Variants in PRKAA2 observed in about 807,000 individuals in gnomAD.
The protein encoded by PRKAA2 is 5'-AMP-activated protein kinase catalytic subunit alpha-2.
In PRKAA2, 40 loss-of-function variants were observed where a neutral mutation model predicts 56.3. The ratio of observed to expected loss-of-function variants is 0.71; its 90% confidence interval spans 0.55 to 0.92. The LOEUF (loss-of-function observed/expected upper bound fraction) is 0.92. Ranked by LOEUF, PRKAA2 falls within the 40% of genes least tolerant of loss-of-function variation. The pLI is 0.00. For synonymous variants in PRKAA2, 214 were observed against 234.2 expected (o/e 0.91, Z 0.79); for missense variants, 542 against 686.9 (o/e 0.79, Z 2.36).
rs770782360 is a variant in PRKAA2 at position 56,714,478 on chromosome 1, T to C, written c.*6765T>C. ...TGAGTATCTTGATTTTTAGGTAAGA[T>C]CACAGTTTCACAAATTGTGGTGTTG... On this transcript the variant is annotated 3_prime_UTR_variant, in exon 9 of 9. Transcript: ENST00000371244. 6.6e-6 allele frequency: 1 copy of C among 152,176 alleles called. No individual in the cohort carries two copies. Among genetic ancestry groups the C allele is most frequent in the South Asian group, 2.1e-4 (1 of 4,834 alleles). 9.4% of individuals were successfully genotyped at this position (152,176 alleles called of 1,614,324 possible).
intron 2 of PRKAA2, among the ~76,000 whole-genome samples, chr1:56,678,930 G>A (rs1386006454): frequency 6.6e-6 from 1 of 152,080 alleles, no homozygotes; most frequent in Non-Finnish European, 1.5e-5. Context: ...TCTTGACTTC[G>A]TGATCTGCCC....
chr1:56,689,897 GAC>G (rs3034077), intron 2 of PRKAA2, among the ~76,000 whole-genome samples: 5,831 of 147,012 alleles, frequency 0.04, 212 homozygotes, highest in African/African-American at 0.11. Flanking sequence ...CAGACACACA[GAC>G]ACACACACAC....
At chr1:56,666,907 A>G (rs572817845) in intron 1 of PRKAA2, among the ~76,000 whole-genome samples, 5 of 152,290 alleles carry the variant, frequency 3.3e-5, no homozygotes, top group Admixed American at 2.6e-4. Context: ...TCCCAATATC[A>G]GTGGAGCCTC....
At chr1:56,673,321 C>A (rs540049727) in intron 1 of PRKAA2, among the ~76,000 whole-genome samples, 27 of 152,264 alleles carry the variant, frequency 1.8e-4, no homozygotes, top group African/African-American at 6.0e-4. Context: ...CTGCAGTGAG[C>A]TATGTTCACT....
At chr1:56,696,510 T>G (rs918595251) in intron 6 of PRKAA2, among the ~76,000 whole-genome samples, 3 of 152,210 alleles carry the variant, frequency 2.0e-5, no homozygotes, top group African/African-American at 7.2e-5. Flanking sequence ...ATCCTCATCC[T>G]GTATCTAGTT....
At chr1:56,683,102 T>C (rs1644167183) in intron 2 of PRKAA2, among the ~76,000 whole-genome samples, 1 of 54,968 alleles carries the variant, frequency 1.8e-5, no homozygotes, top group African/African-American at 7.3e-5. Flanking sequence ...TTTTTTTTTT[T>C]GCTTAAGCAA....
intron 1 of PRKAA2, among the ~76,000 whole-genome samples, chr1:56,655,280 A>ATATATATATATTTTTTTTTTTTTTTTTT: frequency 8.5e-5 from 8 of 93,646 alleles, no homozygotes; most frequent in South Asian, 5.3e-4. Context: ...ATATATATAT[A>ATATATATATATTTTTTTTTTTTTTTTTT]TTTTTTTTTT....
chr1:56,698,954 T>C (rs1644276214), intron 6 of PRKAA2, among the ~76,000 whole-genome samples: 2 of 152,170 alleles, frequency 1.3e-5, no homozygotes, highest in South Asian at 4.1e-4. Flanking sequence ...AGTATTAATG[T>C]TATCATAGTT....
At chr1:56,655,280 A>ATATATATATTTTTTT in intron 1 of PRKAA2, among the ~76,000 whole-genome samples, 13 of 93,680 alleles carry the variant, frequency 1.4e-4, no homozygotes, top group African/African-American at 3.6e-4. Flanking sequence ...ATATATATAT[A>ATATATATATTTTTTT]TTTTTTTTTT....
chr1:56,702,649 T>C (rs1387499382), intron 6 of PRKAA2, among the ~76,000 whole-genome samples: 1 of 152,218 alleles, frequency 6.6e-6, no homozygotes, highest in African/African-American at 2.4e-5. Flanking sequence ...TCTTGTCTCA[T>C]GGTCTTTGCA....
intron 2 of PRKAA2, among the ~76,000 whole-genome samples, chr1:56,679,351 G>T (rs1231487039): frequency 6.6e-6 from 1 of 152,004 alleles, no homozygotes; most frequent in Non-Finnish European, 1.5e-5. Context: ...TTATCAAATT[G>T]TTTATCGGAT....
At chr1:56,659,509 AG>A (rs1643976455) in intron 1 of PRKAA2, among the ~76,000 whole-genome samples, 2 of 151,392 alleles carry the variant, frequency 1.3e-5, no homozygotes, top group Admixed American at 1.3e-4. Context: ...AAAAAAAAAA[AG>A]GAAAAAAAAA....
chr1:56,682,939 A>T (rs909767645), intron 2 of PRKAA2, among the ~76,000 whole-genome samples: 47 of 152,290 alleles, frequency 3.1e-4, no homozygotes, highest in Admixed American at 1.5e-3. Flanking sequence ...GATAAAAAAC[A>T]TTTCTATCGT....
In PRKAA2 at chr1:56,692,349, G is replaced by T. The variant is rs1644233612; in HGVS notation, c.331-9G>T. Reference sequence around the variant, plus strand: ...ATATTCTTAATGCAGTTTCTTTTGTGCTTGATAGGTTGAAGAGATGGAAGC... The same window carrying T: ...ATATTCTTAATGCAGTTTCTTTTGTTCTTGATAGGTTGAAGAGATGGAAGC... On this transcript the variant is annotated splice_polypyrimidine_tract_variant and intron_variant, in intron 3 of 8. Coordinates refer to ENST00000371244, the MANE Select transcript of PRKAA2 (RefSeq NM_006252.4). The T allele has an allele frequency of 6.2e-7, 1 of 1,613,768 alleles. No individual in the cohort carries two copies. The highest frequency in any genetic ancestry group is 2.2e-5 in the East Asian group (1 of 44,866).
chr1:56,692,193 G>A lies in PRKAA2; in HGVS notation c.331-165G>A, dbSNP rs568325271. Among the ~76,000 whole-genome samples the A allele has an allele frequency of 3.9e-5, 6 of 151,968 alleles. No individual in the cohort carries two copies. In the South Asian group the frequency reaches 1.2e-3, roughly 32 times the overall value. ...ACTACAGGTGCATGTCACCATGCCC[G>A]GCTAATTTTTGTATTTTTAGTAGAG... On this transcript the variant is annotated intron_variant, in intron 3 of 8. Coordinates refer to ENST00000371244, the MANE Select transcript of PRKAA2 (RefSeq NM_006252.4).
At chr1:56,702,388 T>G (rs12568785) in intron 6 of PRKAA2, among the ~76,000 whole-genome samples, 16,515 of 152,260 alleles carry the variant, frequency 0.11, 1,301 homozygotes, top group East Asian at 0.24. Context: ...CAGCATCATT[T>G]TTATCTTTTC....
rs750122592 is a variant in PRKAA2, at chr1:56,704,196, T to A, written c.1014T>A (p.Ser338Arg). Residue 338 changes from serine to arginine, a missense_variant, in exon 7 of 9, where the codon AGT (serine) becomes AGA (arginine). Ser to Arg is a moderately radical substitution (Grantham distance 110, BLOSUM62 -1). This residue lies in a region of PRKAA2 where 198 missense variants were observed against 234.0 expected (regional missense o/e 0.85). Coordinates refer to ENST00000371244, the MANE Select transcript of PRKAA2 (RefSeq NM_006252.4). ...ATCGGAGAATAATGAACCAAGCCAGTGAGTTCTACCTCGCCTCTAGTCCTC... is the reference window on the plus strand; with the variant it reads ...ATCGGAGAATAATGAACCAAGCCAGAGAGTTCTACCTCGCCTCTAGTCCTC... ...IDNRRIMNQA[S>R]EFYLASSPPS... 3.7e-6 allele frequency: 6 copies of A among 1,614,216 alleles called. No individual in the cohort carries two copies. Among genetic ancestry groups the A allele is most frequent in the Admixed American group, 1.7e-5 (1 of 60,026 alleles).
Position 56,700,433 on chromosome 1 carries a change from A to G in PRKAA2, c.789-3538A>G, listed in dbSNP as rs145017957. Among the ~76,000 whole-genome samples, 40 of 151,948 alleles carry G rather than the reference A, an allele frequency of 2.6e-4. No individual in the cohort carries two copies. In the East Asian group the frequency reaches 7.0e-3, roughly 27 times the overall value. On this transcript the variant is annotated intron_variant, in intron 6 of 8. Coordinates refer to ENST00000371244, the MANE Select transcript of PRKAA2 (RefSeq NM_006252.4). Reference sequence around the variant, plus strand: ...GTGGTGAGAAATTATGGCCCTTTCAATTTTTTCTCAGGCAAACACACAACT... The same window carrying G: ...GTGGTGAGAAATTATGGCCCTTTCAGTTTTTTCTCAGGCAAACACACAACT...
chr1:56,668,586 A>C (rs375327675), intron 1 of PRKAA2, among the ~76,000 whole-genome samples: 2 of 152,122 alleles, frequency 1.3e-5, no homozygotes, highest in South Asian at 4.1e-4. Flanking sequence ...TGATCCTAGC[A>C]GAAAAATAGG....
Sources: gnomAD v4.1 joint callset for allele counts (sites outside exome capture counted in the v4.1 genomes callset) on GRCh38, gnomAD v4.1.1 for gene constraint, gnomAD v4.1.1 regional missense constraint, MANE v1.5 for transcripts, NCBI Gene and HGNC (gene_info 2026-07-23, HGNC 2026-07-21) for gene names.